Variants in SLC8A1 observed in about 807,000 individuals in gnomAD.
The protein encoded by SLC8A1 is solute carrier family 8 member A1, also known as sodium/calcium exchanger 1.
A neutral mutation model predicts 68.3 loss-of-function variants in SLC8A1; 18 were observed. That is an observed-to-expected ratio of 0.26 (90% confidence interval 0.18 to 0.39). The LOEUF (loss-of-function observed/expected upper bound fraction) is 0.39. Among genes scored for constraint, SLC8A1 ranks in the 10% least tolerant of loss-of-function variants. SLC8A1 has a pLI of 1.00. For missense variants in SLC8A1, 985 were observed against 1,156.7 expected (o/e 0.85, Z 2.15); for synonymous variants, 475 against 415.5 (o/e 1.14, Z -1.74).
At chr2:40,309,865 A>C (rs72796681) in intron 2 of SLC8A1, among the ~76,000 whole-genome samples, 1 of 152,214 alleles carries the variant, frequency 6.6e-6, no homozygotes, top group Non-Finnish European at 1.5e-5. Context: ...TAAAGTGTAT[A>C]ATTCAGTGGT....
chr2:40,463,993 C>T (rs973806409), intron 1 of SLC8A1, among the ~76,000 whole-genome samples: 1 of 152,044 alleles, frequency 6.6e-6, no homozygotes, highest in Non-Finnish European at 1.5e-5. Context: ...CTCCCAGGTT[C>T]TAGCAATTCT....
At position 40,206,835 on chromosome 2, in the gene SLC8A1, G is replaced by A. The variant is rs150534515; in HGVS notation, c.1809-28980C>T. On this transcript the variant is annotated intron_variant, in intron 2 of 7. Coordinates refer to ENST00000406785, the Ensembl canonical transcript of SLC8A1. ...AATTGCAATATCTTCTTAAGAGCTC[G>A]GCGAAAATGGTTTTCATTTTCTTCT... Among the ~76,000 whole-genome samples, 85 of 152,044 alleles carry A rather than the reference G, an allele frequency of 5.6e-4. No homozygotes were observed. The East Asian group carries it at 9.3e-3, about 17-fold the overall frequency.
exon 8 of SLC8A1, chr2:40,115,277 G>C: frequency 6.2e-7 from 1 of 1,612,202 alleles, no homozygotes. Context: ...TGTGGCAGTA[G>C]GCCTCCAGGG....
intron 1 of SLC8A1, among the ~76,000 whole-genome samples, chr2:40,433,068 A>G (rs1576453339): frequency 6.6e-6 from 1 of 152,136 alleles, no homozygotes; most frequent in East Asian, 1.9e-4. Context: ...GACTGATATA[A>G]CTAACCACTC....
intron 1 of SLC8A1, among the ~76,000 whole-genome samples, chr2:40,508,152 T>C (rs887060008): frequency 3.9e-5 from 6 of 152,064 alleles, no homozygotes; most frequent in Non-Finnish European, 7.4e-5. Context: ...CTAATGATTA[T>C]TGTGTATTAT....
chr2:40,313,620 C>G (rs921477479), intron 2 of SLC8A1, among the ~76,000 whole-genome samples: 6 of 151,846 alleles, frequency 4.0e-5, no homozygotes, highest in Admixed American at 6.6e-5. Flanking sequence ...CCAGACTGGT[C>G]TTGAACTGCT....
chr2:40,301,098 A>C (rs558922277), intron 2 of SLC8A1, among the ~76,000 whole-genome samples: 1 of 152,166 alleles, frequency 6.6e-6, no homozygotes, highest in Admixed American at 6.5e-5. Flanking sequence ...TCAGCTTTGC[A>C]TCTTGATTTT....
chr2:40,259,712 T>C (rs1403940298), intron 2 of SLC8A1, among the ~76,000 whole-genome samples: 2 of 152,220 alleles, frequency 1.3e-5, no homozygotes, highest in East Asian at 1.9e-4. Context: ...GTTGATTTAC[T>C]ATTGCCAATA....
intron 2 of SLC8A1, among the ~76,000 whole-genome samples, chr2:40,425,180 T>C (rs1158270992): frequency 6.6e-6 from 1 of 151,922 alleles, no homozygotes; most frequent in Non-Finnish European, 1.5e-5. Flanking sequence ...GGATTTTGCT[T>C]TGTAATTTTA....
intron 2 of SLC8A1, among the ~76,000 whole-genome samples, chr2:40,365,988 C>A (rs1424157490): frequency 9.7e-6 from 1 of 102,704 alleles, no homozygotes; most frequent in Non-Finnish European, 2.1e-5. Context: ...AAAATAAGAC[C>A]CTGTCTGAAA....
chr2:40,376,339 T>C (rs957216973), intron 2 of SLC8A1, among the ~76,000 whole-genome samples: 1 of 152,128 alleles, frequency 6.6e-6, no homozygotes, highest in Non-Finnish European at 1.5e-5. Context: ...CACCTGGGAT[T>C]AGAGATAGAC....
At chr2:40,473,071 G>A (rs968713287) in intron 1 of SLC8A1, among the ~76,000 whole-genome samples, 4 of 151,712 alleles carry the variant, frequency 2.6e-5, no homozygotes, top group South Asian at 2.1e-4. Flanking sequence ...GGGAGGGGGC[G>A]GGAGGGTTGC....
chr2:40,197,874 T>C (rs188894920), intron 2 of SLC8A1, among the ~76,000 whole-genome samples: 28 of 152,082 alleles, frequency 1.8e-4, no homozygotes, highest in South Asian at 6.2e-4. Context: ...ACAGGATCTA[T>C]TGACAAAGCT....
intron 2 of SLC8A1, among the ~76,000 whole-genome samples, chr2:40,359,039 T>TG (rs745853323): frequency 1.3e-5 from 2 of 151,812 alleles, no homozygotes; most frequent in Non-Finnish European, 2.9e-5. Context: ...ACACGGTGAT[T>TG]GGAGGAATGG....
intron 2 of SLC8A1, among the ~76,000 whole-genome samples, chr2:40,326,211 T>A (rs533269195): frequency 6.6e-6 from 1 of 152,276 alleles, no homozygotes; most frequent in African/African-American, 2.4e-5. Flanking sequence ...TGGAAAAGGC[T>A]ACTGGGGTGC....
chr2:40,168,950 T>C (rs560054672), intron 4 of SLC8A1, among the ~76,000 whole-genome samples: 1 of 152,294 alleles, frequency 6.6e-6, no homozygotes, highest in East Asian at 1.9e-4. Context: ...AAAATCAATA[T>C]TGACAGGACA....
intron 2 of SLC8A1, among the ~76,000 whole-genome samples, chr2:40,193,853 C>A (rs1323996361): frequency 1.3e-5 from 2 of 152,076 alleles, no homozygotes; most frequent in Non-Finnish European, 2.9e-5. Context: ...ACCCCTCCAG[C>A]AGCATACTTT....
chr2:40,273,452 T>C (rs1350966141), intron 2 of SLC8A1, among the ~76,000 whole-genome samples: 2 of 152,110 alleles, frequency 1.3e-5, no homozygotes, highest in African/African-American at 4.8e-5. Flanking sequence ...TTCCTACGAA[T>C]GGATGAGTCA....
chr2:40,220,812 T>G (rs988809855), intron 2 of SLC8A1, among the ~76,000 whole-genome samples: 13 of 151,906 alleles, frequency 8.6e-5, no homozygotes, highest in African/African-American at 3.1e-4. Context: ...AGATTCAGAC[T>G]AGATGAGGAA....
Sources: gnomAD v4.1 joint callset for allele counts (sites outside exome capture counted in the v4.1 genomes callset) on GRCh38, gnomAD v4.1.1 for gene constraint, MANE v1.5 for transcripts, NCBI Gene and HGNC (gene_info 2026-07-23, HGNC 2026-07-21) for gene names.